The following TRPM6 variants were observed in gnomAD, a reference collection of about 807,000 sequenced individuals.
The protein encoded by TRPM6 is transient receptor potential cation channel subfamily M member 6, also known as channel kinase 2.
TRPM6 carries 111 observed loss-of-function variants against 247.6 expected under a neutral mutation model. The observed-to-expected ratio is 0.45, with a 90% confidence interval of 0.38 to 0.52. The LOEUF is 0.52. Ranked by LOEUF, TRPM6 falls within the 20% of genes least tolerant of loss-of-function variation. TRPM6 has a pLI of 0.00. For missense variants in TRPM6, 2,126 were observed against 2,421.5 expected, an observed-to-expected ratio of 0.88 and a Z score of 2.56; for synonymous variants, 892 against 853.8, an observed-to-expected ratio of 1.04 and a Z score of -0.78.
At chr9:74,794,937 T>C (rs1828036496) in intron 18 of TRPM6, among the ~76,000 whole-genome samples, 1 of 133,790 alleles carries the variant, frequency 7.5e-6, no homozygotes, top group Non-Finnish European at 1.6e-5. Flanking sequence ...AAATTATGAC[T>C]ACAACAATAA....
chr9:74,770,812 G>A (rs886155988), intron 25 of TRPM6, among the ~76,000 whole-genome samples: 7 of 152,056 alleles, frequency 4.6e-5, no homozygotes, highest in Non-Finnish European at 1.5e-5. Flanking sequence ...ATCATTTTCA[G>A]GACCATGCTG....
intron 7 of TRPM6, among the ~76,000 whole-genome samples, chr9:74,826,484 G>C (rs77966488): frequency 6.6e-6 from 1 of 152,058 alleles, no homozygotes; most frequent in Non-Finnish European, 1.5e-5. Flanking sequence ...GATTTAATTC[G>C]GCACAAGAGG....
chr9:74,735,451 A>T (rs2118716005), intron 36 of TRPM6, among the ~76,000 whole-genome samples: 2 of 152,296 alleles, frequency 1.3e-5, no homozygotes, highest in African/African-American at 4.8e-5. Flanking sequence ...GAAAGAAGCT[A>T]CCAATTTATG....
intron 13 of TRPM6, among the ~76,000 whole-genome samples, chr9:74,808,584 G>C (rs1001314938): frequency 6.6e-6 from 1 of 152,140 alleles, no homozygotes; most frequent in South Asian, 2.1e-4. Context: ...TGTATATAGA[G>C]AGTTTTTTAA....
chr9:74,874,822 C>G (rs567468852), intron 1 of TRPM6, among the ~76,000 whole-genome samples: 47 of 149,676 alleles, frequency 3.1e-4, no homozygotes, highest in Non-Finnish European at 5.9e-4. Context: ...GTGGTGCAAT[C>G]TTAGCTCACT....
At chr9:74,883,679 T>A (rs1195890883) in intron 1 of TRPM6, among the ~76,000 whole-genome samples, 1 of 152,100 alleles carries the variant, frequency 6.6e-6, no homozygotes, top group East Asian at 1.9e-4. Context: ...AAGTTACAGA[T>A]CAATATATAC....
chr9:74,812,605 C>A (rs1207093496), intron 11 of TRPM6, among the ~76,000 whole-genome samples, 172 bp from the exon 12 acceptor site: 1 of 151,268 alleles, frequency 6.6e-6, no homozygotes, highest in Admixed American at 6.6e-5. Context: ...TACAGTCTTA[C>A]TAGGCCAGGC....
chr9:74,747,322 G>A (rs187050809), intron 31 of TRPM6, among the ~76,000 whole-genome samples: 2 of 152,306 alleles, frequency 1.3e-5, no homozygotes, highest in African/African-American at 2.4e-5. Flanking sequence ...AGGAGGTGGG[G>A]GAGTACTGGA....
rs4745357 is a variant in TRPM6, at chr9:74,780,232, C to A, written c.3209+2130G>T. Among the ~76,000 whole-genome samples, 79 of 151,210 alleles carry A rather than the reference C, an allele frequency of 5.2e-4. 1 individual carries two copies. The highest frequency in any genetic ancestry group is 4.3e-3 in the Admixed American group (65 of 15,192). ...CCTGTAATCCCAGCACTTTGGGAGGCCGAGGTGGGTGCAGGAATTTGAGAC... is the reference window on the plus strand; with the variant it reads ...CCTGTAATCCCAGCACTTTGGGAGGACGAGGTGGGTGCAGGAATTTGAGAC... On this transcript the variant is annotated intron_variant, in intron 23 of 38. Transcript: ENST00000360774.
At chr9:74,753,798 C>T (rs987081064) in intron 28 of TRPM6, among the ~76,000 whole-genome samples, 5 of 152,020 alleles carry the variant, frequency 3.3e-5, no homozygotes, top group African/African-American at 1.2e-4. Context: ...AACTCAGACA[C>T]GTTTCAAAAA....
At chr9:74,869,628 GAGA>G (rs1305055428) in intron 1 of TRPM6, among the ~76,000 whole-genome samples, 1 of 152,018 alleles carries the variant, frequency 6.6e-6, no homozygotes, top group African/African-American at 2.4e-5. Flanking sequence ...CCTCTTCACC[GAGA>G]AGGAGCAGGT....
chr9:74,816,080 C>T (rs1356023785), intron 11 of TRPM6, among the ~76,000 whole-genome samples: 1 of 152,300 alleles, frequency 6.6e-6, no homozygotes, highest in East Asian at 1.9e-4. Context: ...ACGCCAGGCA[C>T]AGTGGCTCAC....
chr9:74,867,691 C>T (rs1234945143), intron 1 of TRPM6, among the ~76,000 whole-genome samples: 1 of 152,130 alleles, frequency 6.6e-6, no homozygotes, highest in South Asian at 2.1e-4. Flanking sequence ...ATTCAGTGAC[C>T]TTGGGAAGCT....
intron 4 of TRPM6, among the ~76,000 whole-genome samples, chr9:74,840,859 A>T (rs1328621518): frequency 2.6e-5 from 4 of 151,674 alleles, no homozygotes; most frequent in Non-Finnish European, 5.9e-5. Flanking sequence ...AGAAAGAAAA[A>T]AAAAGAAAAG....
chr9:74,862,607 A>C (rs1358949481), intron 1 of TRPM6, among the ~76,000 whole-genome samples: 1 of 152,244 alleles, frequency 6.6e-6, no homozygotes, highest in East Asian at 1.9e-4. Context: ...TCCAAGTCTG[A>C]ATGTGAAATT....
intron 22 of TRPM6, 42 bp downstream of exon 22, chr9:74,782,637 T>A: frequency 6.2e-7 from 1 of 1,605,514 alleles, no homozygotes; most frequent in Non-Finnish European, 8.5e-7. Context: ...TTGTTAACTA[T>A]GAAGGCACAA....
At chr9:74,728,137 G>A in intron 38 of TRPM6, 102 bp downstream of exon 38, 1 of 925,332 alleles carries the variant, frequency 1.1e-6, no homozygotes, top group Non-Finnish European at 1.7e-6. Context: ...GACGGTGAAT[G>A]AGATAAAAAT....
intron 35 of TRPM6, among the ~76,000 whole-genome samples, chr9:74,738,930 T>C (rs1021300469): frequency 5.9e-5 from 9 of 152,198 alleles, no homozygotes; most frequent in African/African-American, 1.9e-4. Flanking sequence ...CAAATTATGA[T>C]CTGTGTCTCA....
intron 8 of TRPM6, 114 bp from the exon 9 acceptor site, chr9:74,820,541 T>C: frequency 7.5e-7 from 1 of 1,332,668 alleles, no homozygotes; most frequent in Non-Finnish European, 1.1e-6. Context: ...CTATGGACAG[T>C]TCTGCCAGAA....
Sources: gnomAD v4.1 joint callset for allele counts (sites outside exome capture counted in the v4.1 genomes callset) on GRCh38, gnomAD v4.1.1 for gene constraint, MANE v1.5 for transcripts, NCBI Gene and HGNC (gene_info 2026-07-23, HGNC 2026-07-21) for gene names.